ULK4: variants seen among roughly 807,000 people sequenced by gnomAD.
The protein encoded by ULK4 is unc-51 like kinase 4.
In ULK4, 133 loss-of-function variants were observed where a neutral mutation model predicts 160.6. That is an observed-to-expected ratio of 0.83 (90% CI 0.72 to 0.96). The LOEUF (loss-of-function observed/expected upper bound fraction) is 0.96. ULK4 is among the 40% of genes least tolerant of loss of function. The pLI, the probability that ULK4 is intolerant of heterozygous loss-of-function variation, is 0.00. For missense variants in ULK4, 1,580 were observed against 1,499.5 expected (o/e 1.05, Z -0.89); for synonymous variants, 534 against 539.8 (o/e 0.99, Z 0.15).
At chr3:41,885,932 A>C (rs1044192858) in intron 16 of ULK4, among the ~76,000 whole-genome samples, 2 of 151,604 alleles carry the variant, frequency 1.3e-5, no homozygotes, top group South Asian at 2.1e-4. Context: ...CCCACCTCAA[A>C]CTCCCAAAGT....
At chr3:41,859,972 A>T (rs1017961173) in intron 17 of ULK4, among the ~76,000 whole-genome samples, 1 of 151,556 alleles carries the variant, frequency 6.6e-6, no homozygotes, top group Non-Finnish European at 1.5e-5. Flanking sequence ...CTGGCCCCCA[A>T]ATTCCTTCTT....
intron 13 of ULK4, chr3:41,898,985 CAGAA>C (rs751746536): frequency 6.5e-6 from 1 of 153,296 alleles, no homozygotes; most frequent in African/African-American, 2.4e-5. Flanking sequence ...AAACACTGGA[CAGAA>C]AGAATTTTTT....
chr3:41,346,374 G>A (rs1203038744), intron 35 of ULK4, among the ~76,000 whole-genome samples: 1 of 152,106 alleles, frequency 6.6e-6, no homozygotes, highest in African/African-American at 2.4e-5. Context: ...CCTCATATTT[G>A]TCTCACAAGG....
At chr3:41,530,569 T>C (rs2086272854) in intron 32 of ULK4, among the ~76,000 whole-genome samples, 1 of 152,154 alleles carries the variant, frequency 6.6e-6, no homozygotes, top group Non-Finnish European at 1.5e-5. Context: ...ACGCTGGCAA[T>C]TTGTTAATGT....
intron 29 of ULK4, 47 bp from the exon 30 acceptor site, chr3:41,663,746 G>T (rs1269437205): frequency 6.8e-7 from 1 of 1,477,686 alleles, no homozygotes; most frequent in Non-Finnish European, 9.4e-7. Flanking sequence ...GAAAAATTAT[G>T]TCCAACCTTG....
intron 13 of ULK4, among the ~76,000 whole-genome samples, chr3:41,899,896 A>G (rs1330635075): frequency 6.6e-5 from 10 of 152,212 alleles, no homozygotes; most frequent in Non-Finnish European, 1.2e-4. Flanking sequence ...GAAAATAAAT[A>G]AGAATTCAAG....
At chr3:41,950,235 T>C (rs1576006657) in intron 2 of ULK4, among the ~76,000 whole-genome samples, 1 of 151,950 alleles carries the variant, frequency 6.6e-6, no homozygotes, top group South Asian at 2.1e-4. Context: ...CTCAGGTGCA[T>C]GCCACCACCC....
Position 41,480,489 on chromosome 3 carries a change from C to A in ULK4, c.3227-17236G>T, listed in dbSNP as rs142396032. ...CCTGAGATAGCAAAACCAACCTCTC[C>A]TCTTCCCTGTCCTCCTCAGTCTACT... On this transcript the variant is annotated intron_variant, in intron 32 of 36. Transcript: ENST00000301831. 3.9e-4 allele frequency among the ~76,000 whole-genome samples: 59 copies of A among 152,172 alleles called. 1 individual carries two copies. In the East Asian group the frequency reaches 0.011, roughly 28 times the overall value.
chr3:41,382,938 TTTC>T (rs1387328516), intron 35 of ULK4, among the ~76,000 whole-genome samples: 1 of 152,192 alleles, frequency 6.6e-6, no homozygotes, highest in Non-Finnish European at 1.5e-5. Flanking sequence ...ATGGAATTCA[TTTC>T]TTAAAATTAA....
intron 30 of ULK4, among the ~76,000 whole-genome samples, chr3:41,626,934 CA>C (rs1320117880): frequency 6.6e-6 from 1 of 152,018 alleles, no homozygotes; most frequent in African/African-American, 2.4e-5. Context: ...CCATTGAAAA[CA>C]AAGGCTAAAT....
chr3:41,826,121 A>T (rs143471145), intron 18 of ULK4, among the ~76,000 whole-genome samples: 38,592 of 151,892 alleles, frequency 0.25, 6,045 homozygotes, highest in African/African-American at 0.45. Flanking sequence ...ACAGATTTTG[A>T]CACCACCAGG....
intron 32 of ULK4, among the ~76,000 whole-genome samples, chr3:41,494,537 T>C (rs2084915009): frequency 6.6e-6 from 1 of 151,482 alleles, no homozygotes; most frequent in South Asian, 2.1e-4. Context: ...GGATGCCCTC[T>C]CTCACCACTC....
At chr3:41,867,498 A>G (rs1370925310) in intron 17 of ULK4, among the ~76,000 whole-genome samples, 5 of 152,172 alleles carry the variant, frequency 3.3e-5, no homozygotes, top group Admixed American at 6.5e-5. Context: ...CAGCCTCCCA[A>G]GTAGCTGGGA....
intron 31 of ULK4, among the ~76,000 whole-genome samples, chr3:41,590,787 A>G (rs2031242515): frequency 6.6e-6 from 1 of 152,040 alleles, no homozygotes; most frequent in Non-Finnish European, 1.5e-5. Context: ...GAAAGAAAAA[A>G]AAAAAAACTC....
intron 5 of ULK4, among the ~76,000 whole-genome samples, chr3:41,927,706 C>A (rs1187563712): frequency 6.8e-6 from 1 of 147,744 alleles, no homozygotes; most frequent in Non-Finnish European, 1.5e-5. Flanking sequence ...GGGTTGCAAT[C>A]CTGATCTCTG....
intron 17 of ULK4, among the ~76,000 whole-genome samples, chr3:41,841,690 G>A (rs762804237): frequency 8.5e-5 from 13 of 152,158 alleles, no homozygotes; most frequent in East Asian, 3.9e-4. Context: ...CGGTTTTGTC[G>A]AAAAGAAAAG....
intron 29 of ULK4, among the ~76,000 whole-genome samples, chr3:41,677,611 G>A (rs1263800984): frequency 1.3e-5 from 2 of 152,158 alleles, no homozygotes; most frequent in African/African-American, 4.8e-5. Flanking sequence ...GATTACAGGT[G>A]AGAGCCACCG....
At chr3:41,501,530 T>C (rs2085208619) in intron 32 of ULK4, among the ~76,000 whole-genome samples, 1 of 152,066 alleles carries the variant, frequency 6.6e-6, no homozygotes, top group Non-Finnish European at 1.5e-5. Context: ...AATTAATATT[T>C]AAAATTGACA....
At chr3:41,273,212 TG>T (rs1475444664) in intron 35 of ULK4, among the ~76,000 whole-genome samples, 6 of 152,326 alleles carry the variant, frequency 3.9e-5, no homozygotes, top group Non-Finnish European at 7.3e-5. Flanking sequence ...AGAAACATTT[TG>T]TTTTTTTGAG....
Sources: gnomAD v4.1 joint callset for allele counts (sites outside exome capture counted in the v4.1 genomes callset) on GRCh38, gnomAD v4.1.1 for gene constraint, MANE v1.5 for transcripts, NCBI Gene and HGNC (gene_info 2026-07-23, HGNC 2026-07-21) for gene names.